KCNT2: variants seen among roughly 807,000 people sequenced by gnomAD.
KCNT2 encodes the protein potassium sodium-activated channel subfamily T member 2.
KCNT2 carries 67 observed loss-of-function variants against 153.8 expected under a neutral mutation model. The ratio of observed to expected loss-of-function variants is 0.44; its 90% CI spans 0.36 to 0.53. The LOEUF (loss-of-function observed/expected upper bound fraction) is 0.53, where lower values mean the gene tolerates loss of function less well. Ranked by LOEUF, KCNT2 falls within the 20% of genes least tolerant of loss-of-function variation. The pLI, the probability that KCNT2 is intolerant of heterozygous loss-of-function variation, is 0.00. For synonymous variants in KCNT2, 500 were observed against 458.8 expected (o/e 1.09, Z -1.15); for missense variants, 975 against 1,354.8 (o/e 0.72, Z 4.40).
intron 3 of KCNT2, among the ~76,000 whole-genome samples, chr1:196,486,376 A>G (rs1158291825): frequency 6.6e-6 from 1 of 152,020 alleles, no homozygotes; most frequent in Admixed American, 6.6e-5. Context: ...TCTGAATTAG[A>G]CTGTCCTGTT....
At chr1:196,354,529 A>G (rs1012246208) in intron 14 of KCNT2, among the ~76,000 whole-genome samples, 2 of 151,804 alleles carry the variant, frequency 1.3e-5, no homozygotes, top group African/African-American at 4.8e-5. Flanking sequence ...TTACATATAT[A>G]TAACTACAGA....
At chr1:196,339,245 C>T (rs1433647862) in intron 16 of KCNT2, among the ~76,000 whole-genome samples, 1 of 152,044 alleles carries the variant, frequency 6.6e-6, no homozygotes, top group Non-Finnish European at 1.5e-5. Context: ...TCAGGAAGAA[C>T]ATGGTCAATA....
At chr1:196,508,986 G>C (rs995777433) in intron 1 of KCNT2, among the ~76,000 whole-genome samples, 1 of 152,098 alleles carries the variant, frequency 6.6e-6, no homozygotes, top group Admixed American at 6.6e-5. Context: ...AAGGTTCAAA[G>C]GACCGGGCAC....
intron 1 of KCNT2, among the ~76,000 whole-genome samples, chr1:196,602,669 T>A (rs1347908809): frequency 6.6e-5 from 10 of 151,964 alleles, no homozygotes; most frequent in African/African-American, 2.2e-4. Flanking sequence ...TTATATAAAA[T>A]ATTGATGTCT....
At chr1:196,576,634 A>T (rs1453600842) in intron 1 of KCNT2, among the ~76,000 whole-genome samples, 1 of 152,130 alleles carries the variant, frequency 6.6e-6, no homozygotes, top group Non-Finnish European at 1.5e-5. Flanking sequence ...AATACTGCCA[A>T]TATGTTCCTC....
Position 196,561,331 on chromosome 1 carries a change from G to A in KCNT2, c.95+46884C>T, listed in dbSNP as rs564842033. 5.3e-5 allele frequency among the ~76,000 whole-genome samples: 8 copies of A among 151,714 alleles called. No homozygotes were observed. The East Asian group carries it at 1.6e-3, about 30-fold the overall frequency. On this transcript the variant is annotated intron_variant, in intron 1 of 27. Transcript: ENST00000294725. The stretch of plus-strand genomic sequence containing the variant: ...AAGGAGAAAAGAGATTAGAGGAATG[G>A]ACTAGTCTTTCCTAACTAATAAAGG...
chr1:196,242,585 G>T (rs1177959874), intron 26 of KCNT2, among the ~76,000 whole-genome samples: 1 of 152,094 alleles, frequency 6.6e-6, no homozygotes, highest in East Asian at 1.9e-4. Context: ...TTTATGATCA[G>T]TTGATAATTG....
chr1:196,444,928 A>G, intron 8 of KCNT2, among the ~76,000 whole-genome samples: 1 of 151,368 alleles, frequency 6.6e-6, no homozygotes, highest in East Asian at 1.9e-4. Context: ...ACCCAAGTGA[A>G]TTTATAGCTC....
At chr1:196,335,933 T>C (rs1469956256) in intron 16 of KCNT2, among the ~76,000 whole-genome samples, 1 of 152,092 alleles carries the variant, frequency 6.6e-6, no homozygotes, top group Non-Finnish European at 1.5e-5. Context: ...TTCTTAACTA[T>C]CTTAAATTCC....
At chr1:196,344,695 A>G (rs1195871161) in intron 14 of KCNT2, among the ~76,000 whole-genome samples, 1 of 152,196 alleles carries the variant, frequency 6.6e-6, no homozygotes, top group Non-Finnish European at 1.5e-5. Context: ...TAGAAATCTA[A>G]TTCCAGAAGC....
At chr1:196,567,810 G>A (rs1660290447) in intron 1 of KCNT2, among the ~76,000 whole-genome samples, 1 of 152,200 alleles carries the variant, frequency 6.6e-6, no homozygotes, top group African/African-American at 2.4e-5. Flanking sequence ...CAGAATTGCT[G>A]AACAGCATTT....
chr1:196,269,149 A>T (rs1228487602), intron 25 of KCNT2, among the ~76,000 whole-genome samples: 1 of 152,200 alleles, frequency 6.6e-6, no homozygotes, highest in Non-Finnish European at 1.5e-5. Flanking sequence ...TTGTGTAAAG[A>T]TGGAATTAAT....
chr1:196,456,446 T>C (rs188989568), intron 8 of KCNT2, among the ~76,000 whole-genome samples: 127 of 152,154 alleles, frequency 8.3e-4, no homozygotes, highest in East Asian at 1.4e-3. Context: ...TCCTTTGTGC[T>C]ACCATTATAT....
At chr1:196,287,246 GC>G (rs985509760) in intron 22 of KCNT2, among the ~76,000 whole-genome samples, 7 of 152,036 alleles carry the variant, frequency 4.6e-5, no homozygotes, top group African/African-American at 1.7e-4. Flanking sequence ...TGAGTGGCTT[GC>G]AGATGACTGG....
rs71154747 is a variant in KCNT2 at position 196,561,652 on chromosome 1, CAAAAAAAAAAAA to C, written c.95+46551_95+46562del. 1.2e-4 allele frequency among the ~76,000 whole-genome samples: 3 copies of C among 24,170 alleles called. 1 individual carries two copies. Among genetic ancestry groups the C allele is most frequent in the African/African-American group, 2.6e-4 (3 of 11,554 alleles). 15.9% of individuals were successfully genotyped at this position (24,170 alleles called of 152,430 possible). On this transcript the variant is annotated intron_variant, in intron 1 of 27. Coordinates refer to ENST00000294725, the MANE Select transcript of KCNT2 (RefSeq NM_198503.5). ...CTGGACACAGAGCGAGACTTCATCT[CAAAAAAAAAAAA>C]AAAAAAAAAAAAAGAAGAAGAAGAA...
At chr1:196,255,766 T>C (rs1295324258) in intron 26 of KCNT2, among the ~76,000 whole-genome samples, 1 of 151,928 alleles carries the variant, frequency 6.6e-6, no homozygotes, top group Non-Finnish European at 1.5e-5. Context: ...GATTTTGGAA[T>C]TACAAGTGAA....
At chr1:196,357,604 A>G (rs1020654148) in intron 14 of KCNT2, among the ~76,000 whole-genome samples, 1 of 151,838 alleles carries the variant, frequency 6.6e-6, no homozygotes, top group Non-Finnish European at 1.5e-5. Flanking sequence ...AGATACAAAT[A>G]TAGGTGTTTG....
intron 8 of KCNT2, among the ~76,000 whole-genome samples, chr1:196,437,282 AATATATATAAT>A (rs1381807057): frequency 2.6e-5 from 2 of 77,554 alleles, no homozygotes; most frequent in Non-Finnish European, 6.2e-5. Flanking sequence ...ATATATATAA[AATATATATAAT>A]ATATATAAAT....
intron 1 of KCNT2, among the ~76,000 whole-genome samples, chr1:196,593,954 A>G (rs566268772): frequency 2.3e-4 from 35 of 152,028 alleles, no homozygotes; most frequent in Non-Finnish European, 4.6e-4. Context: ...GTTTCTCAAT[A>G]AGGAAAAGAA....
Sources: gnomAD v4.1 joint callset for allele counts (sites outside exome capture counted in the v4.1 genomes callset) on GRCh38, gnomAD v4.1.1 for gene constraint, MANE v1.5 for transcripts, NCBI Gene and HGNC (gene_info 2026-07-23, HGNC 2026-07-21) for gene names.